The following ARNT variants were observed in gnomAD, a reference collection of about 807,000 sequenced individuals.
ARNT encodes the protein aryl hydrocarbon receptor nuclear translocator.
Under a neutral mutation model 105.0 loss-of-function variants are expected in ARNT, and 30 were observed. The observed-to-expected ratio is 0.29, with a 90% CI of 0.21 to 0.39. The LOEUF (loss-of-function observed/expected upper bound fraction) is 0.39, where lower values mean the gene tolerates loss of function less well. ARNT is among the 10% of genes least tolerant of loss of function. The probability of loss-of-function intolerance (pLI) is 1.00; values close to 1 mark genes in which losing one functional copy is unlikely to be tolerated. For synonymous variants in ARNT, 304 were observed against 344.0 expected (o/e 0.88, Z 1.29); for missense variants, 748 against 978.7 (o/e 0.76, Z 3.15).
chr1:150,838,961 C>T (rs961260248), intron 6 of ARNT, among the ~76,000 whole-genome samples: 5 of 152,122 alleles, frequency 3.3e-5, no homozygotes, highest in Admixed American at 6.5e-5. Flanking sequence ...AAAATGTTTA[C>T]GCCTTCTTTT....
chr1:150,819,245 A>G (rs1656578753), intron 14 of ARNT, among the ~76,000 whole-genome samples: 1 of 151,902 alleles, frequency 6.6e-6, no homozygotes. Flanking sequence ...AAAGGCAATA[A>G]CAAGTGTTAA....
chr1:150,824,589 G>A (rs1167131413), intron 13 of ARNT, among the ~76,000 whole-genome samples: 1 of 151,418 alleles, frequency 6.6e-6, no homozygotes, highest in Non-Finnish European at 1.5e-5. Flanking sequence ...GAGTAGCTGG[G>A]GACTAGAGGC....
At chr1:150,847,992 G>C (rs1662567027) in intron 3 of ARNT, among the ~76,000 whole-genome samples, 1 of 152,074 alleles carries the variant, frequency 6.6e-6, no homozygotes, top group South Asian at 2.1e-4. Flanking sequence ...GCTATTAACT[G>C]TATGAAGCAA....
chr1:150,876,163 G>C (rs1668210622), intron 1 of ARNT, among the ~76,000 whole-genome samples: 1 of 152,202 alleles, frequency 6.6e-6, no homozygotes, highest in Non-Finnish European at 1.5e-5. Flanking sequence ...AAAGTAAACC[G>C]AGACACTCTG....
At chr1:150,861,822 C>A (rs1051131377) in intron 1 of ARNT, among the ~76,000 whole-genome samples, 7 of 152,096 alleles carry the variant, frequency 4.6e-5, no homozygotes, top group Admixed American at 3.3e-4. Flanking sequence ...AGTGGGAAAC[C>A]ATTACAATTT....
In ARNT at chr1:150,864,762, T is replaced by TAA. The variant is rs1249367917; in HGVS notation, c.26-6304_26-6303dup. Among the ~76,000 whole-genome samples, 17 of 80,346 alleles carry TAA rather than the reference T, an allele frequency of 2.1e-4. 1 individual carries two copies. The South Asian group carries it at 4.1e-3, about 20-fold the overall frequency. 52.7% of individuals were successfully genotyped at this position (80,346 alleles called of 152,430 possible). A position where few individuals can be genotyped will look rare whatever the true frequency, so the allele number is the denominator to read the frequency against. ...ATGTACCCTAAAACTTAAAGTATAA[T>TAA]AAAAAATAAATAAATAAATAAATAA... On this transcript the variant is annotated intron_variant, in intron 1 of 21. Coordinates refer to ENST00000358595, the MANE Select transcript of ARNT (RefSeq NM_001668.4).
chr1:150,869,535 A>C (rs1208339581), intron 1 of ARNT, among the ~76,000 whole-genome samples: 3 of 151,784 alleles, frequency 2.0e-5, no homozygotes, highest in Non-Finnish European at 4.4e-5. Context: ...AGATTTTAGG[A>C]AACTACTCCT....
intron 13 of ARNT, among the ~76,000 whole-genome samples, chr1:150,823,772 G>C (rs1657608819): frequency 1.3e-5 from 2 of 149,934 alleles, no homozygotes; most frequent in African/African-American, 2.5e-5. Flanking sequence ...GGATGGTCTT[G>C]ATCTCCTGAC....
intron 1 of ARNT, among the ~76,000 whole-genome samples, chr1:150,864,063 A>G (rs1445181676): frequency 6.6e-6 from 1 of 152,088 alleles, no homozygotes; most frequent in Non-Finnish European, 1.5e-5. Flanking sequence ...TATGTAGCCT[A>G]TTACTCCCAG....
intron 8 of ARNT, 37 bp from the exon 9 acceptor site, chr1:150,832,436 C>T (rs1206857581): frequency 4.4e-6 from 7 of 1,603,726 alleles, no homozygotes; most frequent in Non-Finnish European, 6.0e-6. Context: ...AGCAATCAGA[C>T]TGCCCTATCA....
chr1:150,812,144 C>A (rs10305748), intron 21 of ARNT, 34 bp from the exon 22 acceptor site: 2 of 1,492,696 alleles, frequency 1.3e-6, no homozygotes, highest in Admixed American at 3.9e-5. Context: ...TTGGGTCACA[C>A]ACCTTGATCT....
chr1:150,817,074 A>G lies in ARNT; in HGVS notation c.1699+8T>C, dbSNP rs1464231424. ...AGAATTTAAAAGGATAATGAGAAAG[A>G]AACATACCCGCATTGATGTTGTGAT... On this transcript the variant is annotated splice_region_variant and intron_variant, in intron 17 of 21. Transcript: ENST00000358595. 5 of 1,614,004 alleles carry G rather than the reference A, an allele frequency of 3.1e-6. No individual in the cohort carries two copies. In the African/African-American group the frequency reaches 5.3e-5, roughly 17 times the overall value.
chr1:150,819,933 A>G (rs1320882206), intron 14 of ARNT, among the ~76,000 whole-genome samples: 1 of 152,242 alleles, frequency 6.6e-6, no homozygotes, highest in Non-Finnish European at 1.5e-5. Flanking sequence ...AATATATCTC[A>G]TAAAACTTTT....
chr1:150,828,357 T>G (rs1030015346), intron 12 of ARNT, among the ~76,000 whole-genome samples: 11 of 150,430 alleles, frequency 7.3e-5, no homozygotes, highest in African/African-American at 2.7e-4. Flanking sequence ...TTTGTTTTTT[T>G]TTTTTTTTGC....
intron 13 of ARNT, among the ~76,000 whole-genome samples, chr1:150,825,189 A>G (rs1657945867): frequency 6.6e-6 from 1 of 152,186 alleles, no homozygotes. Context: ...TACTAGTCTC[A>G]TGGAATAGAA....
chr1:150,848,427 A>C (rs967859720), intron 3 of ARNT, among the ~76,000 whole-genome samples: 1 of 151,514 alleles, frequency 6.6e-6, no homozygotes, highest in African/African-American at 2.4e-5. Flanking sequence ...CTGCACTCCA[A>C]CGTGGGCAAC....
chr1:150,849,316 C>T (rs1351139556), intron 3 of ARNT, among the ~76,000 whole-genome samples: 5 of 152,010 alleles, frequency 3.3e-5, no homozygotes, highest in African/African-American at 4.8e-5. Context: ...TACTCAGCAA[C>T]GTACAGACTA....
At chr1:150,864,590 T>C (rs1199259682) in intron 1 of ARNT, among the ~76,000 whole-genome samples, 3 of 112,628 alleles carry the variant, frequency 2.7e-5, no homozygotes, top group African/African-American at 1.0e-4. Context: ...GGAAGGGGAA[T>C]ATCACACTCT....
intron 4 of ARNT, among the ~76,000 whole-genome samples, chr1:150,845,064 C>T (rs1009055768): frequency 1.3e-5 from 2 of 152,064 alleles, no homozygotes; most frequent in African/African-American, 4.8e-5. Context: ...CCTGCATCTG[C>T]CTCCCAAAGT....
Sources: allele counts gnomAD v4.1 joint callset (sites outside exome capture counted in the v4.1 genomes callset), GRCh38; gene constraint gnomAD v4.1.1; transcripts MANE v1.5; gene names NCBI Gene and HGNC (gene_info 2026-07-23, HGNC 2026-07-21).